Variants in SLC6A4 observed in about 807,000 individuals in gnomAD.
SLC6A4 encodes the protein sodium-dependent serotonin transporter.
Under a neutral mutation model 73.4 loss-of-function variants are expected in SLC6A4, and 22 were observed. That is an observed-to-expected ratio of 0.30 (90% CI 0.21 to 0.43). SLC6A4 has a LOEUF of 0.43. SLC6A4 is among the 20% of genes least tolerant of loss of function. SLC6A4 has a pLI of 1.00. For synonymous variants in SLC6A4, 270 were observed against 315.5 expected, an observed-to-expected ratio of 0.86 and a Z score of 1.53; for missense variants, 593 against 808.5, an observed-to-expected ratio of 0.73 and a Z score of 3.23.
rs201884696 is a variant in SLC6A4 at position 30,222,036 on chromosome 17, C to G, written c.-78G>C. On this transcript the variant is annotated 5_prime_UTR_variant, in exon 3 of 15. Coordinates refer to ENST00000650711, the MANE Select transcript of SLC6A4 (RefSeq NM_001045.6). ...TCTCTGGGTGCTTGGATTTGTGGAT[C>G]ACCTCCGAGCTCTCTATCGTCGGGA... is the stretch of plus-strand genomic sequence containing the variant. 2.7e-5 allele frequency: 43 copies of G among 1,605,018 alleles called. No homozygotes were observed. Among genetic ancestry groups the G allele is most frequent in the Non-Finnish European group, 3.6e-5 (42 of 1,176,080 alleles).
chr17:30,231,319 ATATATATACACACTATATATATC>A (rs1259509771), intron 1 of SLC6A4, among the ~76,000 whole-genome samples: 5 of 151,190 alleles, frequency 3.3e-5, no homozygotes, highest in Non-Finnish European at 5.9e-5. Context: ...ACCTACAGAT[ATATATATACACACTATATATATC>A]TGTAGGTATA....
chr17:30,215,851 A>G (rs1300713511), intron 7 of SLC6A4, 137 bp from the exon 8 acceptor site: 1 of 796,796 alleles, frequency 1.3e-6, no homozygotes, highest in Non-Finnish European at 2.1e-6. Flanking sequence ...CATTCCAGGC[A>G]TAGCCATAAA....
At chr17:30,221,518 G>A (rs1313902040) in intron 3 of SLC6A4, 98 bp downstream of exon 3, 21 of 899,498 alleles carry the variant, frequency 2.3e-5, no homozygotes, top group Middle Eastern at 3.8e-4. Flanking sequence ...ACCCCAGGTC[G>A]CAGCCCACCC....
In SLC6A4 at chr17:30,195,094, AAAG is replaced by A. The variant is rs1247603731; in HGVS notation, c.*3359_*3361del. ...AATATATTGTGAATCATTTTCAACA[AAAG>A]AGCTCTTCTGTTGCAAAGGTGACTG... On this transcript the variant is annotated 3_prime_UTR_variant, in exon 15 of 15. Transcript: ENST00000650711. 1 of 152,218 alleles carries A rather than the reference AAAG, an allele frequency of 6.6e-6. No individual in the cohort carries two copies. Among genetic ancestry groups the A allele is most frequent in the African/African-American group, 2.4e-5 (1 of 41,452 alleles). The allele number at this position is 152,218 out of a possible 1,614,324, so 9.4% of individuals were successfully genotyped here.
rs189731795 is a variant in SLC6A4, at chr17:30,203,748, C to A, written c.1651-409G>T. On this transcript the variant is annotated intron_variant, in intron 13 of 14. Coordinates refer to ENST00000650711, the MANE Select transcript of SLC6A4 (RefSeq NM_001045.6). ...TAAACTGGGTGACCTCTCCGCAGCC[C>A]CCCGCCAGGCCCCAGGCTTCATATT... is the stretch of plus-strand genomic sequence containing the variant. 1.8e-3 allele frequency: 322 copies of A among 174,236 alleles called. 3 individuals are homozygous for A. Among genetic ancestry groups the A allele is most frequent in the African/African-American group, 6.9e-3 (291 of 42,328 alleles). 10.8% of individuals were successfully genotyped at this position (174,236 alleles called of 1,614,324 possible).
chr17:30,199,397 G>T lies in SLC6A4; in HGVS notation c.1819-867C>A, dbSNP rs1231866228. ...TTAATAAAATCTTTGTTGGCCAAAA[G>T]TCTGTATGTATCATAAGCAGACAAT... On this transcript the variant is annotated intron_variant, in intron 14 of 14. Coordinates refer to ENST00000650711, the MANE Select transcript of SLC6A4 (RefSeq NM_001045.6). Among the ~76,000 whole-genome samples the T allele has an allele frequency of 2.0e-5, 3 of 152,062 alleles. No individual in the cohort carries two copies. The East Asian group carries it at 5.8e-4, about 29-fold the overall frequency.
chr17:30,229,407 G>A (rs1341005753), intron 1 of SLC6A4, among the ~76,000 whole-genome samples: 1 of 152,124 alleles, frequency 6.6e-6, no homozygotes, highest in Admixed American at 6.5e-5. Flanking sequence ...GGGTGGGGAG[G>A]GGGCTGACAA....
intron 4 of SLC6A4, 60 bp downstream of exon 4, chr17:30,218,737 C>A: frequency 6.3e-7 from 1 of 1,589,594 alleles, no homozygotes; most frequent in Non-Finnish European, 8.6e-7. Context: ...CTCCCACCCA[C>A]TGATGGAAAT....
chr17:30,203,504 T>TA, intron 13 of SLC6A4, 165 bp from the exon 14 acceptor site: 1 of 630,574 alleles, frequency 1.6e-6, no homozygotes, highest in African/African-American at 1.8e-5. Flanking sequence ...ATTACCAACT[T>TA]CTGTACCCAA....
At position 30,203,313 on chromosome 17, in the gene SLC6A4, G is replaced by A. The variant is rs771228274; in HGVS notation, c.1677C>T (p.Ser559=). ...ATTGGAAAAGTCGTAGTTGTGGCGG[G>A]CTCATCAGAAAACTGCAAATGATGA... ...LLFIICSFLM[S]PPQLRLFQYN... is the part of the protein sequence containing the mutation. Residue 559 remains serine, a synonymous_variant, in exon 14 of 15, where the codon AGC becomes AGT. Transcript: ENST00000650711. The A allele has an allele frequency of 4.3e-6, 7 of 1,613,886 alleles. No homozygotes were observed. In the East Asian group the frequency reaches 1.3e-4, roughly 31 times the overall value.
Position 30,198,499 on chromosome 17 carries a change from G to C in SLC6A4, c.1850C>G (p.Pro617Arg), listed in dbSNP as rs375913512. The change falls in exon 15 of 15, where the codon CCA (proline) becomes CGA (arginine). Residue 617 changes from proline to arginine, a missense_variant. By Grantham distance (103) the Pro-to-Arg change is moderately radical. Coordinates refer to ENST00000650711, the MANE Select transcript of SLC6A4 (RefSeq NM_001045.6). Reference sequence around the variant, plus strand: ...GATGTCCCCACAAGGAATTTCTGTTGGTGTTTCTGGGGTAATACTTTTAAT... The same window carrying C: ...GATGTCCCCACAAGGAATTTCTGTTCGTGTTTCTGGGGTAATACTTTTAAT... ...RIIKSITPET[P>R]TEIPCGDIRL... is the part of the protein sequence containing the mutation. 6.2e-7 allele frequency: 1 copy of C among 1,600,846 alleles called. No homozygotes were observed. Among genetic ancestry groups the C allele is most frequent in the East Asian group, 2.2e-5 (1 of 44,710 alleles).
At chr17:30,218,362 A>G in intron 4 of SLC6A4, 25 bp from the exon 5 acceptor site, 1 of 1,586,044 alleles carries the variant, frequency 6.3e-7, no homozygotes, top group Non-Finnish European at 8.6e-7. Flanking sequence ...AGATGGAGAG[A>G]CAGAGGCCGA....
chr17:30,196,719 A>T lies in SLC6A4; in HGVS notation c.*1737T>A, dbSNP rs1905874309. On this transcript the variant is annotated 3_prime_UTR_variant, in exon 15 of 15. Coordinates refer to ENST00000650711, the MANE Select transcript of SLC6A4 (RefSeq NM_001045.6). Reference sequence around the variant, plus strand: ...GGTGGCAGGAAGAAGGAAAGAGTGAAGATAATGGAGTTAGGTCAGTGAGGG... The same window carrying T: ...GGTGGCAGGAAGAAGGAAAGAGTGATGATAATGGAGTTAGGTCAGTGAGGG... 1 of 152,346 alleles carries T rather than the reference A, an allele frequency of 6.6e-6. No homozygotes were observed. The highest frequency in any genetic ancestry group is 1.5e-5 in the Non-Finnish European group (1 of 68,044). 9.4% of individuals were successfully genotyped at this position (152,346 alleles called of 1,614,324 possible). A position where few individuals can be genotyped will look rare whatever the true frequency, so the allele number is the denominator to read the frequency against.
chr17:30,210,077 CAAAA>C (rs79332361), intron 11 of SLC6A4, among the ~76,000 whole-genome samples: 1 of 121,978 alleles, frequency 8.2e-6, no homozygotes, highest in Admixed American at 8.4e-5. Context: ...CTTCAGCTAC[CAAAA>C]AAAAAAAAAA....
rs201418830 is a variant in SLC6A4, at chr17:30,216,211, C to T, written c.843G>A (p.Val281=). Residue 281 remains valine, a synonymous_variant, in exon 7 of 15, where the codon GTG becomes GTA. Transcript: ENST00000650711. ...TATAAGGGAAGGTGGCTGTCACCCACACCACCTGTAAGGAAGAAGGGTTAT... is the reference window on the plus strand; with the variant it reads ...TATAAGGGAAGGTGGCTGTCACCCATACCACCTGTAAGGAAGAAGGGTTAT... The part of the protein sequence containing the change: ...WKGVKTSGKV[V]WVTATFPYII... 1.2e-6 allele frequency: 2 copies of T among 1,607,156 alleles called. No homozygotes were observed.
intron 10 of SLC6A4, 143 bp from the exon 11 acceptor site, chr17:30,210,789 T>A: frequency 1.2e-6 from 1 of 823,390 alleles, no homozygotes; most frequent in Non-Finnish European, 1.9e-6. Flanking sequence ...CTGGACCATG[T>A]AAGCATCTCA....
chr17:30,230,825 A>G (rs1312028530), intron 1 of SLC6A4, among the ~76,000 whole-genome samples: 2 of 152,168 alleles, frequency 1.3e-5, no homozygotes, highest in Non-Finnish European at 1.5e-5. Flanking sequence ...CCACCTCTTC[A>G]GCCACAAGGT....
chr17:30,228,045 T>C (rs1244332160), intron 1 of SLC6A4, among the ~76,000 whole-genome samples: 1 of 152,220 alleles, frequency 6.6e-6, no homozygotes, highest in Non-Finnish European at 1.5e-5. Context: ...GAATTTAGCA[T>C]AGCAGATGTG....
At chr17:30,230,119 GGAA>G (rs773682502) in intron 1 of SLC6A4, among the ~76,000 whole-genome samples, 7,272 of 141,622 alleles carry the variant, frequency 0.051, 281 homozygotes, top group Non-Finnish European at 0.066. Flanking sequence ...AAGAGGAAGA[GGAA>G]GAGGAGGAGG....
Sources: gnomAD v4.1 joint callset for allele counts (sites outside exome capture counted in the v4.1 genomes callset) on GRCh38, gnomAD v4.1.1 for gene constraint, MANE v1.5 for transcripts, NCBI Gene and HGNC (gene_info 2026-07-23, HGNC 2026-07-21) for gene names.